The following NKX2-3 variants were observed in gnomAD, a reference collection of about 807,000 sequenced individuals.
NKX2-3 encodes NK2 homeobox 3.
In NKX2-3, 3 loss-of-function variants were observed where a neutral mutation model predicts 14.2. That is an observed-to-expected ratio of 0.21 (90% CI 0.10 to 0.55). The LOEUF (loss-of-function observed/expected upper bound fraction) is 0.55, where lower values mean the gene tolerates loss of function less well. Ranked by LOEUF, NKX2-3 falls within the 20% of genes least tolerant of loss-of-function variation. The pLI is 0.94. For synonymous variants in NKX2-3, 276 were observed against 234.2 expected (o/e 1.18, Z -1.63); for missense variants, 511 against 514.5 (o/e 0.99, Z 0.06).
rs565177972 is a variant in NKX2-3 at position 99,535,542 on chromosome 10, A to G, written c.916A>G (p.Thr306Ala). Reference protein sequence around the residue: ...PAGGGGGGGGTSAATTAMQPA... With the variant: ...PAGGGGGGGGASAATTAMQPA... The stretch of plus-strand genomic sequence containing the variant: ...GGGCGGCGGCGGCGGCGGCGGCGGG[A>G]CCTCCGCGGCGACCACTGCCATGCA... The change falls in exon 2 of 2, where the codon ACC becomes GCC. Residue 306 changes from threonine to alanine, a missense_variant. Thr to Ala is a moderately conservative substitution (Grantham distance 58). This residue lies in a region of NKX2-3 where 264 missense variants were observed against 254.7 expected (regional missense o/e 1.04). Coordinates refer to ENST00000344586, the MANE Select transcript of NKX2-3 (RefSeq NM_145285.3). 7.6e-7 allele frequency: 1 copy of G among 1,318,094 alleles called. No homozygotes were observed. The allele number at this position is 1,318,094 out of a possible 1,614,324, so 81.6% of individuals were successfully genotyped here.
chr10:99,535,768 G>A lies in NKX2-3; in HGVS notation c.*47G>A, dbSNP rs1019107918. On this transcript the variant is annotated 3_prime_UTR_variant, in exon 2 of 2. Coordinates refer to ENST00000344586, the MANE Select transcript of NKX2-3 (RefSeq NM_145285.3). ...GGGCACCCCAGCGCAGCCTGGCGCC[G>A]CGGGACTGAAGCTCGAGAAGGGCCT... The A allele has an allele frequency of 3.3e-6, 5 of 1,504,150 alleles. No individual in the cohort carries two copies. Among genetic ancestry groups the A allele is most frequent in the African/African-American group, 2.8e-5 (2 of 70,330 alleles). 93.2% of individuals were successfully genotyped at this position (1,504,150 alleles called of 1,614,324 possible).
chr10:99,535,708 T>A lies in NKX2-3; in HGVS notation c.1082T>A (p.Ile361Asn). Residue 361 changes from isoleucine to asparagine, a missense_variant, in exon 2 of 2, where the codon ATC (isoleucine) becomes AAC (asparagine). Physicochemically the swap from Ile to Asn is moderately radical, Grantham distance 149 (BLOSUM62 -3). This residue lies in a region of NKX2-3 where 264 missense variants were observed against 254.7 expected (regional missense o/e 1.04). Coordinates refer to ENST00000344586, the MANE Select transcript of NKX2-3 (RefSeq NM_145285.3). ...AACAQGTLQG[I>N]RAW ...TGCGCTCAGGGCACCTTGCAGGGCA[T>A]CCGGGCCTGGTAGGGACGGGGCGGG... 3 of 1,533,820 alleles carry A rather than the reference T, an allele frequency of 2.0e-6. No homozygotes were observed. The highest frequency in any genetic ancestry group is 2.6e-6 in the Non-Finnish European group (3 of 1,145,336).
rs928834561 is a variant in NKX2-3 at position 99,533,357 on chromosome 10, C to T, written c.226C>T (p.Leu76=). The change falls in exon 1 of 2, where the codon CTA becomes TTA. Residue 76 remains leucine (L), a synonymous_variant. Transcript: ENST00000344586. ...EGEKLSYLNS[L]AAADGHGDSG... ...CGAGAAATTGTCCTATTTGAACTCA[C>T]TAGCCGCAGCAGACGGCCACGGGGA... is the stretch of plus-strand genomic sequence containing the variant. 3 of 1,611,208 alleles carry T rather than the reference C, an allele frequency of 1.9e-6. No individual in the cohort carries two copies. The highest frequency in any genetic ancestry group is 3.4e-5 in the Admixed American group (2 of 59,368).
At chr10:99,533,599 G>T (rs995247953) in intron 1 of NKX2-3, 110 bp downstream of exon 1, 8 of 834,742 alleles carry the variant, frequency 9.6e-6, no homozygotes, top group African/African-American at 1.7e-5. Flanking sequence ...TTACCCTTTG[G>T]CTGGGGCCAT....
In NKX2-3 at chr10:99,533,019, A is replaced by G; in HGVS notation, c.-113A>G. ...AGACTGGAGTGGGACCGCGTCTGTC[A>G]AAAGCCCGACTCGGCAGCAGCGGCG... On this transcript the variant is annotated 5_prime_UTR_variant, in exon 1 of 2. Coordinates refer to ENST00000344586, the MANE Select transcript of NKX2-3 (RefSeq NM_145285.3). 1.3e-6 allele frequency: 1 copy of G among 769,674 alleles called. No homozygotes were observed. Among genetic ancestry groups the G allele is most frequent in the Non-Finnish European group, 2.2e-6 (1 of 460,594 alleles). The allele number at this position is 769,674 out of a possible 1,614,324, so 47.7% of individuals were successfully genotyped here. A position where few individuals can be genotyped will look rare whatever the true frequency, so the allele number is the denominator to read the frequency against.
In NKX2-3 at chr10:99,532,970, G is replaced by C; in HGVS notation, c.-162G>C. The C allele has an allele frequency of 1.6e-6, 1 of 606,456 alleles. No individual in the cohort carries two copies. Among genetic ancestry groups the C allele is most frequent in the East Asian group, 2.6e-5 (1 of 38,792 alleles). 37.6% of individuals were successfully genotyped at this position (606,456 alleles called of 1,614,324 possible). ...GGCTGTAACAAAACCCAGACCCCCA[G>C]GTCCCGGCCAATGGAGGCGATTTAG... On this transcript the variant is annotated 5_prime_UTR_variant, in exon 1 of 2. Transcript: ENST00000344586.
At position 99,535,593 on chromosome 10, in the gene NKX2-3, G is replaced by A. The variant is rs1198627060; in HGVS notation, c.967G>A (p.Gly323Ser). The A allele has an allele frequency of 8.6e-6, 13 of 1,507,086 alleles. No individual in the cohort carries two copies. In the East Asian group the frequency reaches 3.3e-4, roughly 39 times the overall value. 93.4% of individuals were successfully genotyped at this position (1,507,086 alleles called of 1,614,324 possible). Reference protein sequence around the residue: ...MQPACSAAGGGPFVNVSNLGG... With the variant: ...MQPACSAAGGSPFVNVSNLGG... The stretch of plus-strand genomic sequence containing the variant: ...GCCCGCCTGCAGCGCGGCCGGAGGC[G>A]GCCCCTTTGTGAACGTGAGCAACCT... Residue 323 changes from glycine to serine, a missense_variant, in exon 2 of 2, where the codon GGC (glycine) becomes AGC (serine). Physicochemically the swap from Gly to Ser is moderately conservative, Grantham distance 56. Transcript: ENST00000344586.
Position 99,533,136 on chromosome 10 carries a change from T to G in NKX2-3, c.5T>G (p.Met2Arg). The G allele has an allele frequency of 6.5e-7, 1 of 1,545,138 alleles. No homozygotes were observed. Among genetic ancestry groups the G allele is most frequent in the Non-Finnish European group, 8.8e-7 (1 of 1,141,936 alleles). Residue 2 changes from methionine (M) to arginine (R), a missense_variant, in exon 1 of 2, where the codon ATG becomes AGG. Around this residue, in one of 3 missense-constraint regions of NKX2-3, gnomAD observed 243 missense variants for 242.3 expected, o/e 1.00. Transcript: ENST00000344586. M[M>R]LPSPVTSTPF... ...CTGGACAATTAAGTGGCCCTGATGA[T>G]GTTACCAAGCCCGGTCACCTCCACC...
Position 99,535,384 on chromosome 10 carries a change from G to A in NKX2-3, c.758G>A (p.Gly253Asp), listed in dbSNP as rs1427746175. The A allele has an allele frequency of 1.3e-5, 19 of 1,448,596 alleles. No homozygotes were observed. The East Asian group carries it at 5.6e-4, about 42-fold the overall frequency. 89.7% of individuals were successfully genotyped at this position (1,448,596 alleles called of 1,614,324 possible). A position where few individuals can be genotyped will look rare whatever the true frequency, so the allele number is the denominator to read the frequency against. ...GCCTACGGCGCGCCCTACAGCGTGGGCGCCAGCGCCTACTCCTACAACAGC... is the reference window on the plus strand; with the variant it reads ...GCCTACGGCGCGCCCTACAGCGTGGACGCCAGCGCCTACTCCTACAACAGC... The part of the protein sequence containing the change: ...AQAYGAPYSV[G>D]ASAYSYNSFP... Residue 253 changes from glycine to aspartate, a missense_variant, in exon 2 of 2, where the codon GGC (glycine) becomes GAC (aspartate). Physicochemically the swap from Gly to Asp is moderately conservative, Grantham distance 94. Coordinates refer to ENST00000344586, the MANE Select transcript of NKX2-3 (RefSeq NM_145285.3).
chr10:99,535,289 G>A lies in NKX2-3; in HGVS notation c.663G>A (p.Pro221=). 1 of 1,591,314 alleles carries A rather than the reference G, an allele frequency of 6.3e-7. No homozygotes were observed. The highest frequency in any genetic ancestry group is 8.5e-7 in the Non-Finnish European group (1 of 1,170,218). Residue 221 remains proline (P), a synonymous_variant, in exon 2 of 2, where the codon CCG becomes CCA. Transcript: ENST00000344586. ...SLELGAHAPP[P]PPRRVAVPVL... is the part of the protein sequence containing the mutation. ...AGCTTGGCGCACACGCGCCCCCGCC[G>A]CCGCCGCGCCGCGTGGCTGTCCCGG...
intron 1 of NKX2-3, among the ~76,000 whole-genome samples, chr10:99,534,336 C>A (rs546714052): frequency 6.6e-6 from 1 of 152,358 alleles, no homozygotes; most frequent in Non-Finnish European, 1.5e-5. Flanking sequence ...CCCCAAGAGG[C>A]GGTTTGATGT....
rs753948982 is a variant in NKX2-3, at chr10:99,535,442, G to GGCC, written c.843_845dup (p.Ala286dup). ...CCTACGGCTATGGGAACTCGGCCGC[G>GGCC]GCCGCCGCCGCCGCCGCCGCCGCCG... On this transcript the variant is annotated inframe_insertion, in exon 2 of 2. Coordinates refer to ENST00000344586, the MANE Select transcript of NKX2-3 (RefSeq NM_145285.3). 3,127 of 1,310,840 alleles carry GGCC rather than the reference G, an allele frequency of 2.4e-3. 6 individuals are homozygous for GGCC. The highest frequency in any genetic ancestry group is 2.7e-3 in the Non-Finnish European group (2,805 of 1,026,464). The allele number at this position is 1,310,840 out of a possible 1,614,324, so 81.2% of individuals were successfully genotyped here.
chr10:99,533,265 G>C lies in NKX2-3; in HGVS notation c.134G>C (p.Cys45Ser). The C allele has an allele frequency of 6.2e-7, 1 of 1,614,082 alleles. No homozygotes were observed. The stretch of plus-strand genomic sequence containing the variant: ...GAGCACCACTTCCACTCTGCGCCCT[G>C]CATGCTGGCCGCCGCTGAGGGGACG... ...DLEHHFHSAP[C>S]MLAAAEGTQF... The change falls in exon 1 of 2, where the codon TGC becomes TCC. Residue 45 changes from cysteine (C) to serine (S), a missense_variant. Transcript: ENST00000344586.
In NKX2-3 at chr10:99,535,277, C is replaced by G; in HGVS notation, c.651C>G (p.His217Gln). 1.3e-6 allele frequency: 2 copies of G among 1,592,208 alleles called. No homozygotes were observed. Among genetic ancestry groups the G allele is most frequent in the Non-Finnish European group, 8.5e-7 (1 of 1,170,694 alleles). Reference protein sequence around the residue: ...RQDKSLELGAHAPPPPPRRVA... With the variant: ...RQDKSLELGAQAPPPPPRRVA... ...ACAAGTCTCTGGAGCTTGGCGCACA[C>G]GCGCCCCCGCCGCCGCCGCGCCGCG... is the stretch of plus-strand genomic sequence containing the variant. Residue 217 changes from histidine (H) to glutamine (Q), a missense_variant, in exon 2 of 2, where the codon CAC becomes CAG. By Grantham distance (24) the His-to-Gln change is conservative. Around this residue, in one of 3 missense-constraint regions of NKX2-3, gnomAD observed 264 missense variants for 254.7 expected, o/e 1.04. Coordinates refer to ENST00000344586, the MANE Select transcript of NKX2-3 (RefSeq NM_145285.3).
At chr10:99,533,566 T>TGCCA in intron 1 of NKX2-3, 77 bp downstream of exon 1, 1 of 1,108,702 alleles carries the variant, frequency 9.0e-7, no homozygotes, top group Middle Eastern at 3.0e-4. Context: ...CCACAGACCT[T>TGCCA]GCCAGCGCAG....
rs1383791761 is a variant in NKX2-3, at chr10:99,536,048, C to T, written c.*327C>T. The T allele has an allele frequency of 1.5e-5, 5 of 334,846 alleles. No individual in the cohort carries two copies. The East Asian group carries it at 3.0e-4, about 20-fold the overall frequency. 20.7% of individuals were successfully genotyped at this position (334,846 alleles called of 1,614,324 possible). On this transcript the variant is annotated 3_prime_UTR_variant, in exon 2 of 2. Coordinates refer to ENST00000344586, the MANE Select transcript of NKX2-3 (RefSeq NM_145285.3). ...CTTGGTTCTTCCAAAGCGAGAAGGG[C>T]TTCTCTCCCTCTGCCTTTCCGCGGC...
chr10:99,533,097 A>T lies in NKX2-3; in HGVS notation c.-35A>T, dbSNP rs1232114377. On this transcript the variant is annotated 5_prime_UTR_variant, in exon 1 of 2. Coordinates refer to ENST00000344586, the MANE Select transcript of NKX2-3 (RefSeq NM_145285.3). ...GCGCTGCCTCCCCGCCCCCGCCGGGATTTATTATTTGGACTGGACAATTAA... is the reference window on the plus strand; with the variant it reads ...GCGCTGCCTCCCCGCCCCCGCCGGGTTTTATTATTTGGACTGGACAATTAA... 6.9e-7 allele frequency: 1 copy of T among 1,444,206 alleles called. No individual in the cohort carries two copies. Among genetic ancestry groups the T allele is most frequent in the South Asian group, 1.4e-5 (1 of 70,450 alleles). The allele number at this position is 1,444,206 out of a possible 1,614,324, so 89.5% of individuals were successfully genotyped here. A position where few individuals can be genotyped will look rare whatever the true frequency, so the allele number is the denominator to read the frequency against.
rs1013677868 is a variant in NKX2-3, at chr10:99,535,372, C to G, written c.746C>G (p.Pro249Arg). 16 of 1,454,386 alleles carry G rather than the reference C, an allele frequency of 1.1e-5. No homozygotes were observed. Among genetic ancestry groups the G allele is most frequent in the African/African-American group, 1.5e-5 (1 of 66,054 alleles). 90.1% of individuals were successfully genotyped at this position (1,454,386 alleles called of 1,614,324 possible). A position where few individuals can be genotyped will look rare whatever the true frequency, so the allele number is the denominator to read the frequency against. Reference sequence around the variant, plus strand: ...CCCAGCGCGCAGGCCTACGGCGCGCCCTACAGCGTGGGCGCCAGCGCCTAC... The same window carrying G: ...CCCAGCGCGCAGGCCTACGGCGCGCGCTACAGCGTGGGCGCCAGCGCCTAC... Reference protein sequence around the residue: ...VTPSAQAYGAPYSVGASAYSY... With the variant: ...VTPSAQAYGARYSVGASAYSY... Residue 249 changes from proline (P) to arginine (R), a missense_variant, in exon 2 of 2, where the codon CCC becomes CGC. Around this residue, in one of 3 missense-constraint regions of NKX2-3, gnomAD observed 264 missense variants for 254.7 expected, o/e 1.04. Transcript: ENST00000344586.
Position 99,533,448 on chromosome 10 carries a change from A to C in NKX2-3, c.317A>C (p.Glu106Ala). 1 of 1,591,900 alleles carries C rather than the reference A, an allele frequency of 6.3e-7. No individual in the cohort carries two copies. The highest frequency in any genetic ancestry group is 2.3e-5 in the East Asian group (1 of 44,116). The part of the protein sequence containing the change: ...VLRDSCSEPK[E>A]HEEEPEVVRD... ...CGAGACTCGTGCAGCGAGCCCAAGG[A>C]ACATGAAGAGGAGCCCGAGGTCGTG... is the stretch of plus-strand genomic sequence containing the variant. The change falls in exon 1 of 2, where the codon GAA becomes GCA. Residue 106 changes from glutamate to alanine, a missense_variant. Physicochemically the swap from Glu to Ala is moderately radical, Grantham distance 107. Coordinates refer to ENST00000344586, the MANE Select transcript of NKX2-3 (RefSeq NM_145285.3).
Sources: gnomAD v4.1 joint callset for allele counts (sites outside exome capture counted in the v4.1 genomes callset) on GRCh38, gnomAD v4.1.1 for gene constraint, gnomAD v4.1.1 regional missense constraint, MANE v1.5 for transcripts, NCBI Gene and HGNC (gene_info 2026-07-23, HGNC 2026-07-21) for gene names.